Variants in ATG7 observed in about 807,000 individuals in gnomAD.
ATG7 encodes the protein ubiquitin-like modifier-activating enzyme ATG7.
A neutral mutation model predicts 82.4 loss-of-function variants in ATG7; 70 were observed. The observed-to-expected ratio is 0.85, with a 90% confidence interval of 0.70 to 1.04. The LOEUF (loss-of-function observed/expected upper bound fraction) is 1.04, where lower values mean the gene tolerates loss of function less well. ATG7 is among the 50% of genes least tolerant of loss of function. The probability of loss-of-function intolerance (pLI) is 0.00; values close to 1 mark genes in which losing one functional copy is unlikely to be tolerated. For synonymous variants in ATG7, 287 were observed against 313.0 expected (o/e 0.92, Z 0.88); for missense variants, 792 against 864.3 (o/e 0.92, Z 1.05).
At chr3:11,511,225 C>T (rs952861489) in intron 20 of ATG7, among the ~76,000 whole-genome samples, 1 of 152,184 alleles carries the variant, frequency 6.6e-6, no homozygotes, top group African/African-American at 2.4e-5. Context: ...ATTCTCTTAT[C>T]TGGCCCCACC....
At chr3:11,495,621 G>A (rs1213286251) in intron 20 of ATG7, among the ~76,000 whole-genome samples, 1 of 151,922 alleles carries the variant, frequency 6.6e-6, no homozygotes, top group Non-Finnish European at 1.5e-5. Flanking sequence ...TAGACTTAAT[G>A]ATCCACCTAT....
intron 20 of ATG7, among the ~76,000 whole-genome samples, chr3:11,458,728 C>T (rs996050470): frequency 6.6e-6 from 1 of 152,190 alleles, no homozygotes; most frequent in Admixed American, 6.5e-5. Flanking sequence ...AAAAAGAGAA[C>T]TTGTTTCAAC....
At chr3:11,307,609 A>G (rs1947966234) in intron 6 of ATG7, among the ~76,000 whole-genome samples, 1 of 152,152 alleles carries the variant, frequency 6.6e-6, no homozygotes, top group Non-Finnish European at 1.5e-5. Context: ...AGCAAATCAC[A>G]TGTAATTCCT....
rs574367797 is a variant in ATG7 at position 11,542,510 on chromosome 3, C to T, written c.2080-12301C>T. Among the ~76,000 whole-genome samples the T allele has an allele frequency of 1.1e-3, 173 of 152,260 alleles. 1 individual carries two copies. The highest frequency in any genetic ancestry group is 3.9e-3 in the African/African-American group (163 of 41,566). The stretch of plus-strand genomic sequence containing the variant: ...CTTCCTGGGAGGGAAAAACAAAAGA[C>T]ACCGGCAGATGTACCTTGCCATGGG... On this transcript the variant is annotated intron_variant, in intron 20 of 20. Coordinates refer to ENST00000693202, the MANE Select transcript of ATG7 (RefSeq NM_001349232.2).
intron 20 of ATG7, among the ~76,000 whole-genome samples, chr3:11,489,368 C>T (rs2090118486): frequency 3.3e-5 from 5 of 152,014 alleles, no homozygotes; most frequent in Admixed American, 2.6e-4. Flanking sequence ...ATTCTTCTCT[C>T]TTTTCTTCTT....
At chr3:11,312,042 A>G (rs1383876693) in intron 7 of ATG7, among the ~76,000 whole-genome samples, 1 of 151,786 alleles carries the variant, frequency 6.6e-6, no homozygotes, top group Non-Finnish European at 1.5e-5. Flanking sequence ...GTCTCTGCTA[A>G]TATGTATGAG....
At chr3:11,348,188 A>G (rs1954863290) in intron 14 of ATG7, 153 bp downstream of exon 14, 9 of 1,084,450 alleles carry the variant, frequency 8.3e-6, no homozygotes, top group Non-Finnish European at 1.2e-5. Context: ...TCCTCATCTC[A>G]GAGAGGGATA....
At chr3:11,536,034 C>G (rs2070257277) in intron 20 of ATG7, among the ~76,000 whole-genome samples, 1 of 152,150 alleles carries the variant, frequency 6.6e-6, no homozygotes, top group African/African-American at 2.4e-5. Context: ...GCCTCCATCT[C>G]CATGGGTTCT....
chr3:11,548,674 G>A (rs193172711), intron 20 of ATG7, among the ~76,000 whole-genome samples: 94 of 152,212 alleles, frequency 6.2e-4, no homozygotes, highest in Admixed American at 9.8e-4. Flanking sequence ...AAGAAATCCC[G>A]GAACTGAGCC....
chr3:11,554,660 C>T (rs1412713910), intron 20 of ATG7, 151 bp from the exon 21 acceptor site: 2 of 955,162 alleles, frequency 2.1e-6, no homozygotes, highest in African/African-American at 1.7e-5. Flanking sequence ...GATTTGGTTT[C>T]CTTGTACAGA....
At chr3:11,494,658 C>T (rs1308107236) in intron 20 of ATG7, among the ~76,000 whole-genome samples, 1 of 152,162 alleles carries the variant, frequency 6.6e-6, no homozygotes, top group Non-Finnish European at 1.5e-5. Flanking sequence ...CAGAATAGAT[C>T]ATCTCTTGAT....
chr3:11,559,403 A>G, downstream of ATG7: 4 of 1,562,568 alleles, frequency 2.6e-6, no homozygotes, highest in Non-Finnish European at 3.5e-6. Context: ...GCAGTGCGAG[A>G]GGTTGCAGTT....
At chr3:11,470,403 G>T (rs147749328) in intron 20 of ATG7, among the ~76,000 whole-genome samples, 1 of 152,192 alleles carries the variant, frequency 6.6e-6, no homozygotes, top group Non-Finnish European at 1.5e-5. Flanking sequence ...GAAAACAATA[G>T]TAAGGATTTG....
the ATG7 span, among the ~76,000 whole-genome samples, chr3:11,572,466 C>A: frequency 3.3e-5 from 5 of 152,168 alleles, no homozygotes. Context: ...CTTTTCTTTC[C>A]TCTGGCCATG....
chr3:11,357,411 G>A (rs555813856), intron 14 of ATG7, among the ~76,000 whole-genome samples: 135 of 152,250 alleles, frequency 8.9e-4, no homozygotes, highest in Middle Eastern at 3.4e-3. Context: ...GACAGAGAGT[G>A]AAGCCTTACT....
chr3:11,529,333 C>G (rs1161006458), intron 20 of ATG7, among the ~76,000 whole-genome samples: 2 of 152,148 alleles, frequency 1.3e-5, no homozygotes, highest in African/African-American at 4.8e-5. Flanking sequence ...CATTTAGGAA[C>G]CGTAACACAA....
intron 20 of ATG7, among the ~76,000 whole-genome samples, chr3:11,450,897 G>A (rs1463327603): frequency 6.6e-6 from 1 of 152,168 alleles, no homozygotes; most frequent in African/African-American, 2.4e-5. Context: ...GCCTTCCAAA[G>A]GGCTGGTGTC....
At chr3:11,450,461 G>A (rs1332124456) in intron 20 of ATG7, among the ~76,000 whole-genome samples, 1 of 152,170 alleles carries the variant, frequency 6.6e-6, no homozygotes, top group Non-Finnish European at 1.5e-5. Flanking sequence ...AATCTTGCCA[G>A]TTTATAAAGA....
intron 20 of ATG7, among the ~76,000 whole-genome samples, chr3:11,551,562 G>A (rs1453501163): frequency 6.6e-6 from 1 of 152,126 alleles, no homozygotes; most frequent in Non-Finnish European, 1.5e-5. Context: ...ATTCCCATGT[G>A]TTTAGCTTTT....
Sources: allele counts gnomAD v4.1 joint callset (sites outside exome capture counted in the v4.1 genomes callset), GRCh38; gene constraint gnomAD v4.1.1; transcripts MANE v1.5; gene names NCBI Gene and HGNC (gene_info 2026-07-23, HGNC 2026-07-21).